DEFB4B: variants seen among roughly 807,000 people sequenced by gnomAD.
DEFB4B encodes beta-defensin 4B.
chr8:7,415,689 A>ATCCCTCTCTCCCTCCC (rs1808809837), intron 1 of DEFB4B, among the ~76,000 whole-genome samples: 2 of 67,364 alleles, frequency 3.0e-5, no homozygotes, highest in South Asian at 5.9e-4. Flanking sequence ...TTCTTTTTTT[A>ATCCCTCTCTCCCTCCC]TCCCTCCCTC....
chr8:7,415,849 A>G (rs1808827398), intron 1 of DEFB4B, among the ~76,000 whole-genome samples: 2 of 148,056 alleles, frequency 1.4e-5, no homozygotes, highest in African/African-American at 5.0e-5. Flanking sequence ...TCAGAACCCC[A>G]TTGTTCTCAC....
chr8:7,415,428 C>T (rs1808794288), intron 1 of DEFB4B, among the ~76,000 whole-genome samples: 2 of 151,342 alleles, frequency 1.3e-5, no homozygotes, highest in African/African-American at 2.4e-5. Context: ...TTCAGCTCCA[C>T]CACAAGAAGA....
chr8:7,416,310 G>T (rs1174581363), intron 1 of DEFB4B, among the ~76,000 whole-genome samples: 2 of 151,670 alleles, frequency 1.3e-5, no homozygotes, highest in Admixed American at 6.6e-5. Context: ...CAAAATTTCT[G>T]CCTTTTATTT....
chr8:7,415,632 T>A (rs1447631385), intron 1 of DEFB4B, among the ~76,000 whole-genome samples: 1 of 150,558 alleles, frequency 6.6e-6, no homozygotes, highest in Non-Finnish European at 1.5e-5. Context: ...AAATAAATTT[T>A]GTAATGGCTT....
chr8:7,416,480 C>T (rs1332287925), intron 1 of DEFB4B, among the ~76,000 whole-genome samples: 2 of 151,460 alleles, frequency 1.3e-5, no homozygotes, highest in Non-Finnish European at 2.9e-5. Flanking sequence ...TTGAAGGAAG[C>T]AATGCTTGGT....
intron 1 of DEFB4B, among the ~76,000 whole-genome samples, chr8:7,416,090 C>A (rs1430650732): frequency 6.7e-6 from 1 of 149,608 alleles, no homozygotes; most frequent in Non-Finnish European, 1.5e-5. Context: ...TGGGCTGTCC[C>A]TGTCCTGTGA....
intron 1 of DEFB4B, among the ~76,000 whole-genome samples, chr8:7,416,401 A>C (rs1310929316): frequency 6.6e-6 from 1 of 151,804 alleles, no homozygotes; most frequent in Non-Finnish European, 1.5e-5. Context: ...TTTACAAGCT[A>C]CTGGGCTCCT....
At chr8:7,415,923 T>C (rs1808832443) in intron 1 of DEFB4B, among the ~76,000 whole-genome samples, 1 of 147,696 alleles carries the variant, frequency 6.8e-6, no homozygotes, top group Non-Finnish European at 1.5e-5. Flanking sequence ...ATCTATTAGA[T>C]TAATTGTTTT....
chr8:7,415,309 G>A (rs1475366219), intron 1 of DEFB4B, among the ~76,000 whole-genome samples: 3 of 150,312 alleles, frequency 2.0e-5, no homozygotes, highest in Admixed American at 6.7e-5. Context: ...CTGTGGTTTG[G>A]GGGATGTTTA....
At chr8:7,415,698 T>TCCCTC (rs1808811742) in intron 1 of DEFB4B, among the ~76,000 whole-genome samples, 1 of 85,670 alleles carries the variant, frequency 1.2e-5, no homozygotes, top group Non-Finnish European at 2.2e-5. Context: ...TATCCCTCCC[T>TCCCTC]CCCTCCCTCC....
At chr8:7,415,288 A>G (rs753777349) in intron 1 of DEFB4B, among the ~76,000 whole-genome samples, 191 bp from the exon 2 acceptor site, 4,150 of 147,728 alleles carry the variant, frequency 0.028, 43 homozygotes, top group Middle Eastern at 0.045. Context: ...CTGACATGGA[A>G]ACTGGCACTG....
At chr8:7,415,897 G>T (rs1370387143) in intron 1 of DEFB4B, among the ~76,000 whole-genome samples, 1 of 147,672 alleles carries the variant, frequency 6.8e-6, no homozygotes, top group African/African-American at 2.5e-5. Flanking sequence ...GTAAAATGAG[G>T]ATTTCACAAG....
intron 1 of DEFB4B, among the ~76,000 whole-genome samples, 184 bp downstream of exon 1, chr8:7,416,586 C>T (rs1270904260): frequency 7.0e-6 from 1 of 142,150 alleles, no homozygotes; most frequent in African/African-American, 2.6e-5. Flanking sequence ...AAAAGAAAGA[C>T]AGAAAAAAAG....
chr8:7,415,898 A>G (rs1235032804), intron 1 of DEFB4B, among the ~76,000 whole-genome samples: 14 of 148,124 alleles, frequency 9.5e-5, no homozygotes, highest in African/African-American at 2.7e-4. Flanking sequence ...TAAAATGAGG[A>G]TTTCACAAGA....
intron 1 of DEFB4B, among the ~76,000 whole-genome samples, chr8:7,415,774 T>C (rs1037878780): frequency 3.7e-5 from 5 of 135,734 alleles, no homozygotes; most frequent in Non-Finnish European, 7.9e-5. Flanking sequence ...CCTGCCTCCC[T>C]GCCTCCCCGC....
chr8:7,416,308 C>T (rs1808855910), intron 1 of DEFB4B, among the ~76,000 whole-genome samples: 1 of 151,702 alleles, frequency 6.6e-6, no homozygotes, highest in Non-Finnish European at 1.5e-5. Context: ...ATCAAAATTT[C>T]TGCCTTTTAT....
intron 1 of DEFB4B, among the ~76,000 whole-genome samples, chr8:7,416,419 G>A (rs1346398695): frequency 2.6e-5 from 4 of 151,788 alleles, no homozygotes; most frequent in South Asian, 2.1e-4. Context: ...CCTTCATATT[G>A]GCTTAGAAGA....
intron 1 of DEFB4B, among the ~76,000 whole-genome samples, chr8:7,416,533 A>G (rs1460634011): frequency 2.0e-5 from 3 of 151,244 alleles, no homozygotes; most frequent in African/African-American, 7.3e-5. Context: ...GGGTAGAAGA[A>G]AGGAAAGAGA....
intron 1 of DEFB4B, among the ~76,000 whole-genome samples, chr8:7,415,472 C>T (rs1359392490): frequency 6.6e-6 from 1 of 151,140 alleles, no homozygotes; most frequent in African/African-American, 2.4e-5. Context: ...CATTTTAACA[C>T]ACACAAGCCA....
Sources: gnomAD v4.1 joint callset for allele counts (sites outside exome capture counted in the v4.1 genomes callset) on GRCh38, gnomAD v4.1.1 for gene constraint, MANE v1.5 for transcripts, NCBI Gene and HGNC (gene_info 2026-07-23, HGNC 2026-07-21) for gene names.